Variants in KALRN observed in about 807,000 individuals in gnomAD.
KALRN encodes the protein kalirin.
A neutral mutation model predicts 353.7 loss-of-function variants in KALRN; 70 were observed. The ratio of observed to expected loss-of-function variants is 0.20; its 90% CI spans 0.16 to 0.24. KALRN has a LOEUF of 0.24. KALRN is among the 10% of genes least tolerant of loss of function. The pLI, the probability that KALRN is intolerant of heterozygous loss-of-function variation, is 1.00. For missense variants in KALRN, 2,791 were observed against 3,756.7 expected, an observed-to-expected ratio of 0.74 and a Z score of 6.72; for synonymous variants, 1,391 against 1,434.8, an observed-to-expected ratio of 0.97 and a Z score of 0.69.
chr3:124,064,096 A>T (rs998833593), intron 1 of KALRN, among the ~76,000 whole-genome samples: 1 of 152,182 alleles, frequency 6.6e-6, no homozygotes, highest in Non-Finnish European at 1.5e-5. Context: ...AGGATTGAGG[A>T]TACAGAAATA....
At chr3:124,509,663 T>C (rs914678485) in intron 33 of KALRN, among the ~76,000 whole-genome samples, 1 of 152,230 alleles carries the variant, frequency 6.6e-6, no homozygotes, top group East Asian at 1.9e-4. Flanking sequence ...AATTAATGTT[T>C]GTTACATTTC....
At chr3:124,403,928 G>A (rs1276080241) in intron 13 of KALRN, among the ~76,000 whole-genome samples, 1 of 152,126 alleles carries the variant, frequency 6.6e-6, no homozygotes, top group Non-Finnish European at 1.5e-5. Flanking sequence ...CAGTCAGGAT[G>A]TTCATAGAGG....
Position 124,413,555 on chromosome 3 carries a change from A to G in KALRN, c.2432A>G (p.Gln811Arg). Residue 811 changes from glutamine (Q) to arginine (R), a missense_variant, in exon 14 of 60, where the codon CAG becomes CGG. Coordinates refer to ENST00000682506, the MANE Select transcript of KALRN (RefSeq NM_001388419.1). ...FNTEDLTLAE[Q>R]RLQRHTERKL... The stretch of plus-strand genomic sequence containing the variant: ...ACAGAGGACCTAACCCTGGCAGAAC[A>G]GCGGCTGCAGCGCCACACAGAACGG... 2 of 1,614,156 alleles carry G rather than the reference A, an allele frequency of 1.2e-6. No homozygotes were observed. The highest frequency in any genetic ancestry group is 1.7e-6 in the Non-Finnish European group (2 of 1,180,022).
At chr3:124,490,669 C>T (rs764848435) in intron 29 of KALRN, 25 bp from the exon 30 acceptor site, 1 of 1,604,960 alleles carries the variant, frequency 6.2e-7, no homozygotes, top group Non-Finnish European at 8.5e-7. Context: ...AGAAACTCCA[C>T]AGGGTGGAAA....
chr3:124,264,766 C>A, intron 4 of KALRN, 76 bp downstream of exon 4: 2 of 1,262,098 alleles, frequency 1.6e-6, no homozygotes, highest in Non-Finnish European at 2.3e-6. Flanking sequence ...ACGTCCTCTT[C>A]TCTATCTACC....
chr3:124,278,659 A>G (rs535428511), intron 5 of KALRN, among the ~76,000 whole-genome samples: 604 of 152,220 alleles, frequency 4.0e-3, no homozygotes, highest in Non-Finnish European at 6.8e-3. Flanking sequence ...ATAAAGTAAA[A>G]CCAATTTTAC....
At chr3:124,702,175 CAGTAA>C in intron 57 of KALRN, 59 bp downstream of exon 57, 1 of 1,052,844 alleles carries the variant, frequency 9.5e-7, no homozygotes, top group South Asian at 1.5e-5. Flanking sequence ...CACATCAGAA[CAGTAA>C]CTTTTTGTTG....
At chr3:124,338,701 C>A (rs1243451425) in intron 9 of KALRN, among the ~76,000 whole-genome samples, 1 of 152,086 alleles carries the variant, frequency 6.6e-6, no homozygotes, top group Non-Finnish European at 1.5e-5. Context: ...TGTTAATTTT[C>A]TGTCTTGTTG....
intron 57 of KALRN, among the ~76,000 whole-genome samples, chr3:124,710,673 C>A (rs2062846478): frequency 6.6e-6 from 1 of 152,124 alleles, no homozygotes; most frequent in Non-Finnish European, 1.5e-5. Flanking sequence ...CCTATAGTCC[C>A]AGCTACTTGG....
At chr3:124,378,190 T>G (rs190261368) in intron 10 of KALRN, among the ~76,000 whole-genome samples, 4 of 152,228 alleles carry the variant, frequency 2.6e-5, no homozygotes, top group Non-Finnish European at 5.9e-5. Context: ...CTTTGTTGGC[T>G]GATCAACTAT....
intron 9 of KALRN, among the ~76,000 whole-genome samples, chr3:124,341,398 GCTATAAA>G (rs2081696955): frequency 6.6e-6 from 1 of 152,228 alleles, no homozygotes; most frequent in African/African-American, 2.4e-5. Flanking sequence ...GCAATTCATG[GCTATAAA>G]CAGTCATTGT....
At chr3:124,509,473 G>T (rs764845899) in intron 33 of KALRN, among the ~76,000 whole-genome samples, 3 of 152,208 alleles carry the variant, frequency 2.0e-5, no homozygotes, top group Non-Finnish European at 4.4e-5. Flanking sequence ...CTCCCAAAGT[G>T]CTGGGATTAC....
chr3:124,649,121 G>T (rs1445865538), intron 37 of KALRN, among the ~76,000 whole-genome samples: 3 of 152,134 alleles, frequency 2.0e-5, no homozygotes, highest in Non-Finnish European at 4.4e-5. Context: ...CAGTTTGGGG[G>T]TGGGGGAATG....
intron 1 of KALRN, among the ~76,000 whole-genome samples, chr3:124,084,833 A>G (rs2060721897): frequency 6.6e-6 from 1 of 152,204 alleles, no homozygotes; most frequent in Admixed American, 6.5e-5. Context: ...TCCATTAGAC[A>G]TGACAGATGG....
intron 34 of KALRN, among the ~76,000 whole-genome samples, chr3:124,578,700 T>C (rs6438844): frequency 0.42 from 63,237 of 150,850 alleles, 14,303 homozygotes; most frequent in East Asian, 0.78. Flanking sequence ...ACCTGGGAGG[T>C]GGAGATTGCA....
At chr3:124,335,035 C>A (rs1436417909) in intron 9 of KALRN, among the ~76,000 whole-genome samples, 1 of 152,074 alleles carries the variant, frequency 6.6e-6, no homozygotes, top group African/African-American at 2.4e-5. Flanking sequence ...CTTCAGGTGA[C>A]CCGCCCGCCT....
At position 124,700,002 on chromosome 3, in the gene KALRN, G is replaced by C; in HGVS notation, c.7965G>C (p.Glu2655Asp). Residue 2655 changes from glutamate to aspartate, a missense_variant, in exon 56 of 60, where the codon GAG (glutamate) becomes GAC (aspartate). Around this residue, in one of 11 missense-constraint regions of KALRN, gnomAD observed 188 missense variants for 402.9 expected, o/e 0.47. Coordinates refer to ENST00000682506, the MANE Select transcript of KALRN (RefSeq NM_001388419.1). ...SNPWGISLPSEPSEFVRLPEY... is the reference protein window; with the variant it reads ...SNPWGISLPSDPSEFVRLPEY... ...CCTGGGGAATCAGCCTTCCCAGCGA[G>C]CCCTCGGAGTTTGTGCGACTTCCAG... 1 of 1,614,100 alleles carries C rather than the reference G, an allele frequency of 6.2e-7. No individual in the cohort carries two copies. Among genetic ancestry groups the C allele is most frequent in the Non-Finnish European group, 8.5e-7 (1 of 1,180,022 alleles).
At chr3:124,242,076 A>G (rs887535433) in intron 3 of KALRN, among the ~76,000 whole-genome samples, 3 of 152,214 alleles carry the variant, frequency 2.0e-5, no homozygotes, top group African/African-American at 4.8e-5. Flanking sequence ...ATAGGCAATA[A>G]AAAAGCCATT....
intron 55 of KALRN, among the ~76,000 whole-genome samples, chr3:124,697,994 G>A (rs748822634): frequency 1.1e-4 from 17 of 151,532 alleles, no homozygotes; most frequent in Admixed American, 2.6e-4. Context: ...TTTGAGACAG[G>A]GTTTGGCTCC....
Sources: gnomAD v4.1 joint callset for allele counts (sites outside exome capture counted in the v4.1 genomes callset) on GRCh38, gnomAD v4.1.1 for gene constraint, gnomAD v4.1.1 regional missense constraint, MANE v1.5 for transcripts, NCBI Gene and HGNC (gene_info 2026-07-23, HGNC 2026-07-21) for gene names.